Variants in OXR1 observed in about 807,000 individuals in gnomAD.
OXR1 encodes the protein oxidation resistance 1.
A neutral mutation model predicts 104.6 loss-of-function variants in OXR1; 41 were observed. The observed-to-expected ratio is 0.39, with a 90% CI of 0.31 to 0.51. The LOEUF (loss-of-function observed/expected upper bound fraction) is 0.51, where lower values mean the gene tolerates loss of function less well. Among genes scored for constraint, OXR1 ranks in the 20% least tolerant of loss-of-function variants. The pLI is 0.77. For missense variants in OXR1, 955 were observed against 1,031.9 expected (o/e 0.93, Z 1.02); for synonymous variants, 348 against 348.4 (o/e 1.00, Z 0.01).
At chr8:106,695,760 A>G (rs1288511547) in intron 7 of OXR1, among the ~76,000 whole-genome samples, 1 of 152,102 alleles carries the variant, frequency 6.6e-6, no homozygotes, top group East Asian at 1.9e-4. Context: ...TTTATAAAAA[A>G]GGATCCCTAA....
chr8:106,731,265 C>T (rs776120506), intron 11 of OXR1, among the ~76,000 whole-genome samples: 1 of 152,074 alleles, frequency 6.6e-6, no homozygotes, highest in Non-Finnish European at 1.5e-5. Flanking sequence ...ATAGAACAGA[C>T]CATTGTCTCC....
At position 106,706,850 on chromosome 8, in the gene OXR1, A is replaced by G. The variant is rs199565146; in HGVS notation, c.1329A>G (p.Ile443Met). The change falls in exon 9 of 17, where the codon ATA becomes ATG. Residue 443 changes from isoleucine (I) to methionine (M), a missense_variant. By Grantham distance (10) the Ile-to-Met change is conservative. Transcript: ENST00000517566. ...GTCCTAAAGAAGACAGCACAAGTATAAAAGGTAATTCAGACCAGGATTCTT... is the reference window on the plus strand; with the variant it reads ...GTCCTAAAGAAGACAGCACAAGTATGAAAGGTAATTCAGACCAGGATTCTT... ...ISGPKEDSTS[I>M]KGNSDQDSFL... is the part of the protein sequence containing the mutation. 7.4e-6 allele frequency: 12 copies of G among 1,612,418 alleles called. No individual in the cohort carries two copies. The African/African-American group carries it at 1.5e-4, about 20-fold the overall frequency.
At chr8:106,738,673 A>C (rs1295820290) in intron 12 of OXR1, among the ~76,000 whole-genome samples, 1 of 151,454 alleles carries the variant, frequency 6.6e-6, no homozygotes, top group Non-Finnish European at 1.5e-5. Flanking sequence ...GCACCAATAG[A>C]ATATATTGTG....
intron 2 of OXR1, among the ~76,000 whole-genome samples, chr8:106,373,339 T>C (rs993556056): frequency 3.9e-5 from 6 of 152,184 alleles, no homozygotes; most frequent in African/African-American, 1.2e-4. Context: ...AATTTCAATA[T>C]GTAAACACAA....
intron 1 of OXR1, among the ~76,000 whole-genome samples, chr8:106,274,179 A>G (rs1479987716): frequency 6.6e-6 from 1 of 152,224 alleles, no homozygotes; most frequent in East Asian, 1.9e-4. Flanking sequence ...TCCATTTGAA[A>G]TCGACAGCAT....
intron 1 of OXR1, among the ~76,000 whole-genome samples, chr8:106,288,530 A>ATG (rs139132173): frequency 0.43 from 56,737 of 131,318 alleles, 11,170 homozygotes; most frequent in East Asian, 0.63. Context: ...ATATATATGT[A>ATG]TGTGTGTGTG....
At chr8:106,602,088 G>A (rs1820015014) in intron 3 of OXR1, among the ~76,000 whole-genome samples, 1 of 152,206 alleles carries the variant, frequency 6.6e-6, no homozygotes. Context: ...AAGAGGCTCA[G>A]ATCTGAGATT....
At chr8:106,635,584 A>C (rs1158076220) in intron 3 of OXR1, among the ~76,000 whole-genome samples, 1 of 152,068 alleles carries the variant, frequency 6.6e-6, no homozygotes, top group Admixed American at 6.6e-5. Context: ...AGCTGGGATT[A>C]CAGGCATGCA....
intron 3 of OXR1, among the ~76,000 whole-genome samples, chr8:106,678,266 A>C (rs540016983): frequency 1.3e-5 from 2 of 152,168 alleles, no homozygotes; most frequent in South Asian, 4.1e-4. Flanking sequence ...TTGTATGGTC[A>C]AAATGCCATT....
chr8:106,555,918 G>GTA (rs1563602702), intron 3 of OXR1, among the ~76,000 whole-genome samples: 4 of 26,920 alleles, frequency 1.5e-4, no homozygotes, highest in African/African-American at 4.9e-4. Context: ...GTAGGCATAC[G>GTA]TATATATATG....
At chr8:106,737,377 A>T (rs772559549) in intron 11 of OXR1, 143 bp from the exon 12 acceptor site, 69 of 396,220 alleles carry the variant, frequency 1.7e-4, no homozygotes, top group Non-Finnish European at 2.7e-4. Context: ...AATCTCTTGG[A>T]TTTTCAACAT....
At chr8:106,360,201 T>C (rs1816178720) in intron 2 of OXR1, among the ~76,000 whole-genome samples, 1 of 152,192 alleles carries the variant, frequency 6.6e-6, no homozygotes, top group African/African-American at 2.4e-5. Flanking sequence ...AAAAGAAGTG[T>C]AAGGATATTT....
intron 6 of OXR1, among the ~76,000 whole-genome samples, chr8:106,686,200 C>T (rs1353073349): frequency 1.3e-5 from 2 of 151,048 alleles, no homozygotes; most frequent in African/African-American, 4.9e-5. Context: ...GATGGGTGCA[C>T]CAAAATCTCA....
rs141450385 is a variant in OXR1 at position 106,714,754 on chromosome 8, G to T, written c.1956+769G>T. On this transcript the variant is annotated intron_variant, in intron 11 of 16. Coordinates refer to ENST00000517566, the MANE Select transcript of OXR1 (RefSeq NM_001198533.2). ...CAGATGCTAAAATGTTATAATAAAT[G>T]TAATCAAATTTTTTTATTCATTGGG... Among the ~76,000 whole-genome samples the T allele has an allele frequency of 2.0e-5, 3 of 152,138 alleles. No individual in the cohort carries two copies. The East Asian group carries it at 5.8e-4, about 29-fold the overall frequency.
intron 3 of OXR1, among the ~76,000 whole-genome samples, chr8:106,546,805 CT>C (rs1815392052): frequency 1.3e-5 from 2 of 152,318 alleles, no homozygotes; most frequent in Non-Finnish European, 2.9e-5. Flanking sequence ...CAGCTTTCAA[CT>C]TAATTTTCTC....
chr8:106,311,908 C>T lies in OXR1; in HGVS notation c.-139+41541C>T, dbSNP rs186696404. 3.9e-5 allele frequency among the ~76,000 whole-genome samples: 6 copies of T among 152,192 alleles called. No individual in the cohort carries two copies. In the South Asian group the frequency reaches 1.2e-3, roughly 32 times the overall value. On this transcript the variant is annotated intron_variant, in intron 1 of 16. Coordinates refer to ENST00000517566, the MANE Select transcript of OXR1 (RefSeq NM_001198533.2). ...CATTTATAATTTGCACCCTGTCTCT[C>T]CCTCCCTGCCTCTTCTCTCTGTTAT...
chr8:106,650,713 T>C (rs912931779), intron 3 of OXR1, among the ~76,000 whole-genome samples: 2 of 152,202 alleles, frequency 1.3e-5, no homozygotes, highest in Admixed American at 6.5e-5. Context: ...CCACCATTAC[T>C]AGGTTCTTAT....
intron 3 of OXR1, among the ~76,000 whole-genome samples, chr8:106,630,524 G>A (rs989679424): frequency 6.6e-6 from 1 of 152,062 alleles, no homozygotes; most frequent in Non-Finnish European, 1.5e-5. Flanking sequence ...TTATTGTGTC[G>A]CTGTAAGGTT....
chr8:106,471,596 T>C (rs1028957390), intron 2 of OXR1, among the ~76,000 whole-genome samples: 4 of 151,892 alleles, frequency 2.6e-5, no homozygotes, highest in African/African-American at 9.7e-5. Flanking sequence ...ACAATACAGC[T>C]AGATTGCATT....
Sources: allele counts gnomAD v4.1 joint callset (sites outside exome capture counted in the v4.1 genomes callset), GRCh38; gene constraint gnomAD v4.1.1; transcripts MANE v1.5; gene names NCBI Gene and HGNC (gene_info 2026-07-23, HGNC 2026-07-21).